CBLB: variants seen among roughly 807,000 people sequenced by gnomAD.
The protein encoded by CBLB is Cbl proto-oncogene B.
In CBLB, 31 loss-of-function variants were observed where a neutral mutation model predicts 104.9. The observed-to-expected ratio is 0.30, with a 90% CI of 0.22 to 0.40. The LOEUF (loss-of-function observed/expected upper bound fraction) is 0.40. Ranked by LOEUF, CBLB falls within the 10% of genes least tolerant of loss-of-function variation. The pLI, the probability that CBLB is intolerant of heterozygous loss-of-function variation, is 1.00. For missense variants in CBLB, 1,062 were observed against 1,214.6 expected (o/e 0.87, Z 1.87); for synonymous variants, 440 against 422.6 (o/e 1.04, Z -0.51).
rs200546066 is a variant in CBLB at position 105,833,683 on chromosome 3, TTTA to T, written c.419+19728_419+19730del. On this transcript the variant is annotated intron_variant, in intron 3 of 18. Coordinates refer to ENST00000394030, the MANE Select transcript of CBLB (RefSeq NM_170662.5). ...GTATATTCCTTATAATTTGAATAAT[TTTA>T]TTATTAATGGAAATTTCTAAAATTA... 6.4e-3 allele frequency among the ~76,000 whole-genome samples: 973 copies of T among 152,178 alleles called. 12 individuals carry two copies. Among genetic ancestry groups the T allele is most frequent in the African/African-American group, 0.022 (932 of 41,546 alleles).
At chr3:105,715,961 C>T (rs1182801652) in intron 10 of CBLB, among the ~76,000 whole-genome samples, 2 of 152,128 alleles carry the variant, frequency 1.3e-5, no homozygotes, top group Non-Finnish European at 2.9e-5. Context: ...ATCACTTGAA[C>T]CAGGGAGGCA....
In CBLB at chr3:105,702,380, G is replaced by A; in HGVS notation, c.1673C>T (p.Pro558Leu). Residue 558 changes from proline (P) to leucine (L), a missense_variant, in exon 12 of 19, where the codon CCA (proline) becomes CTA (leucine). By Grantham distance (98) the Pro-to-Leu change is moderately conservative. Around this residue, in one of 2 missense-constraint regions of CBLB, gnomAD observed 605 missense variants for 582.6 expected, o/e 1.04. Transcript: ENST00000394030. ...PPPLRDPPPP[P>L]PERPPPIPPD... is the part of the protein sequence containing the mutation. ...TGGGATTGGTGGAGGTCTTTCAGGT[G>A]GCGGTGGAGGAGGATCTCTTAAGGG... is the stretch of plus-strand genomic sequence containing the variant. The A allele has an allele frequency of 1.9e-6, 3 of 1,613,424 alleles. No homozygotes were observed. Among genetic ancestry groups the A allele is most frequent in the Non-Finnish European group, 2.5e-6 (3 of 1,179,910 alleles).
intron 3 of CBLB, among the ~76,000 whole-genome samples, chr3:105,851,217 C>T (rs2090904748): frequency 6.6e-6 from 1 of 152,050 alleles, no homozygotes; most frequent in Non-Finnish European, 1.5e-5. Flanking sequence ...AAATGAGCTA[C>T]CAAGTTATGA....
At chr3:105,761,785 C>A (rs1367264112) in intron 4 of CBLB, among the ~76,000 whole-genome samples, 1 of 152,150 alleles carries the variant, frequency 6.6e-6, no homozygotes, top group Non-Finnish European at 1.5e-5. Flanking sequence ...AACTTTGGAA[C>A]TGGATAACAG....
upstream of CBLB, chr3:105,869,062 CG>C: frequency 2.4e-5 from 7 of 289,754 alleles, no homozygotes; most frequent in African/African-American, 7.4e-5. Context: ...CGGGGCGGGG[CG>C]GGGGCGGGGC....
At chr3:105,858,817 T>A (rs1323822844) in intron 2 of CBLB, among the ~76,000 whole-genome samples, 6 of 152,222 alleles carry the variant, frequency 3.9e-5, no homozygotes, top group Non-Finnish European at 8.8e-5. Flanking sequence ...AATCAGGAAC[T>A]GTCTCCATAC....
chr3:105,837,758 C>A (rs2088790878), intron 3 of CBLB, among the ~76,000 whole-genome samples: 1 of 152,068 alleles, frequency 6.6e-6, no homozygotes, highest in Admixed American at 6.5e-5. Context: ...TATTACTATC[C>A]TTATAAGCAT....
At chr3:105,853,179 G>A (rs772449388) in intron 3 of CBLB, among the ~76,000 whole-genome samples, 14 of 152,050 alleles carry the variant, frequency 9.2e-5, no homozygotes, top group Non-Finnish European at 1.5e-4. Context: ...CTAGGTGTGC[G>A]GTAGGTAATA....
intron 13 of CBLB, among the ~76,000 whole-genome samples, chr3:105,688,841 C>A (rs531495583): frequency 4.2e-4 from 64 of 152,182 alleles, no homozygotes; most frequent in African/African-American, 1.5e-3. Context: ...GTGTGGTATA[C>A]TATCAAGCTT....
intron 3 of CBLB, among the ~76,000 whole-genome samples, chr3:105,842,766 C>T (rs1333333745): frequency 2.0e-5 from 3 of 152,184 alleles, no homozygotes; most frequent in Non-Finnish European, 1.5e-5. Flanking sequence ...TAAAACCCAA[C>T]ATGCTAAGGA....
At chr3:105,823,774 A>G (rs529419258) in intron 3 of CBLB, among the ~76,000 whole-genome samples, 5 of 152,176 alleles carry the variant, frequency 3.3e-5, no homozygotes, top group African/African-American at 9.6e-5. Context: ...TCTTGTGTTG[A>G]GCTCTTACTC....
In CBLB at chr3:105,681,778, C is replaced by G; in HGVS notation, c.2242G>C (p.Gly748Arg). The G allele has an allele frequency of 6.2e-7, 1 of 1,611,208 alleles. No individual in the cohort carries two copies. The highest frequency in any genetic ancestry group is 8.5e-7 in the Non-Finnish European group (1 of 1,177,684). ...NGHCMLNGTH[G>R]PSSEKKSNIP... ...TTTGATTTCTTCTCTGAAGATGGAC[C>G]ATGTGTTCCATTCAGCATACAGTGA... Residue 748 changes from glycine to arginine, a missense_variant, in exon 15 of 19, where the codon GGT (glycine) becomes CGT (arginine). Gly to Arg is a moderately radical substitution (Grantham distance 125). Around this residue, in one of 2 missense-constraint regions of CBLB, gnomAD observed 605 missense variants for 582.6 expected, o/e 1.04. Coordinates refer to ENST00000394030, the MANE Select transcript of CBLB (RefSeq NM_170662.5).
chr3:105,822,977 CCTGTTTATCG>C (rs1292320409), intron 3 of CBLB, among the ~76,000 whole-genome samples: 1 of 152,162 alleles, frequency 6.6e-6, no homozygotes, highest in Non-Finnish European at 1.5e-5. Context: ...TGCTTTTGTT[CCTGTTTATCG>C]CTCAGAAAAG....
intron 3 of CBLB, among the ~76,000 whole-genome samples, chr3:105,850,035 T>C (rs1355882778): frequency 6.6e-6 from 1 of 152,116 alleles, no homozygotes; most frequent in Non-Finnish European, 1.5e-5. Context: ...CCTCTTGTTA[T>C]TCCTGGAGAA....
intron 3 of CBLB, among the ~76,000 whole-genome samples, chr3:105,834,811 A>G (rs1219503234): frequency 6.6e-6 from 1 of 152,154 alleles, no homozygotes. Context: ...GATTTATCAT[A>G]GGGAAGATGT....
chr3:105,684,538 C>G (rs1424038601), intron 14 of CBLB, among the ~76,000 whole-genome samples: 1 of 142,868 alleles, frequency 7.0e-6, no homozygotes, highest in African/African-American at 2.6e-5. Flanking sequence ...AGGAAAAAAC[C>G]CCCATTATTC....
chr3:105,779,247 C>T (rs951207605), intron 3 of CBLB, among the ~76,000 whole-genome samples: 4 of 152,148 alleles, frequency 2.6e-5, no homozygotes, highest in Admixed American at 2.0e-4. Context: ...ACTGGCTATG[C>T]AGACACTAAA....
At chr3:105,786,822 T>A (rs1205983481) in intron 3 of CBLB, among the ~76,000 whole-genome samples, 2 of 152,182 alleles carry the variant, frequency 1.3e-5, no homozygotes, top group Non-Finnish European at 2.9e-5. Context: ...AATAGTTATA[T>A]AGATAAATTA....
chr3:105,807,418 T>C (rs1560332495), intron 3 of CBLB, among the ~76,000 whole-genome samples: 2 of 152,158 alleles, frequency 1.3e-5, no homozygotes, highest in Non-Finnish European at 1.5e-5. Context: ...ACCAGTGATA[T>C]TATTGCACTA....
Sources: allele counts gnomAD v4.1 joint callset (sites outside exome capture counted in the v4.1 genomes callset), GRCh38; gene constraint gnomAD v4.1.1; regional missense constraint gnomAD v4.1.1; transcripts MANE v1.5; gene names NCBI Gene and HGNC (gene_info 2026-07-23, HGNC 2026-07-21).